The following HYKK variants were observed in gnomAD, a reference collection of about 807,000 sequenced individuals.
HYKK encodes the protein 5-hydroxy-L-lysine kinase.
HYKK carries 19 observed loss-of-function variants against 29.7 expected under a neutral mutation model. The ratio of observed to expected loss-of-function variants is 0.64; its 90% CI spans 0.45 to 0.94. The LOEUF (loss-of-function observed/expected upper bound fraction) is 0.94. Ranked by LOEUF, HYKK falls within the 40% of genes least tolerant of loss-of-function variation. The pLI is 0.00. For missense variants in HYKK, 390 were observed against 443.4 expected, an observed-to-expected ratio of 0.88 and a Z score of 1.08; for synonymous variants, 152 against 158.1, an observed-to-expected ratio of 0.96 and a Z score of 0.29.
intron 4 of HYKK, among the ~76,000 whole-genome samples, chr15:78,531,215 C>T (rs1295984420): frequency 6.6e-6 from 1 of 152,072 alleles, no homozygotes; most frequent in African/African-American, 2.4e-5. Flanking sequence ...TAGTGGCTAC[C>T]ATATTAGACA....
At chr15:78,529,112 G>C (rs1297110981) in intron 4 of HYKK, among the ~76,000 whole-genome samples, 1 of 151,984 alleles carries the variant, frequency 6.6e-6, no homozygotes, top group Non-Finnish European at 1.5e-5. Context: ...CTATGATCTG[G>C]ATGATTGCAG....
intron 1 of HYKK, among the ~76,000 whole-genome samples, chr15:78,510,150 C>G (rs145941164): frequency 7.6e-6 from 1 of 132,194 alleles, no homozygotes; most frequent in Non-Finnish European, 1.6e-5. Context: ...TTTCTTCTTT[C>G]TCTTGCTCTC....
At chr15:78,521,545 G>A (rs1267899004) in intron 3 of HYKK, among the ~76,000 whole-genome samples, 2 of 152,018 alleles carry the variant, frequency 1.3e-5, no homozygotes, top group East Asian at 3.9e-4. Flanking sequence ...TAGGCTAATA[G>A]AGAGTACTGA....
intron 4 of HYKK, among the ~76,000 whole-genome samples, chr15:78,532,335 C>T (rs1331685938): frequency 6.6e-6 from 1 of 152,214 alleles, no homozygotes; most frequent in Non-Finnish European, 1.5e-5. Flanking sequence ...ATTTTCTAAA[C>T]ACTCTCAACT....
chr15:78,512,270 C>CT (rs1354205895), intron 1 of HYKK, among the ~76,000 whole-genome samples: 4 of 152,102 alleles, frequency 2.6e-5, no homozygotes, highest in Admixed American at 2.0e-4. Context: ...TTTAACCAAA[C>CT]TGTTACTATA....
intron 3 of HYKK, among the ~76,000 whole-genome samples, chr15:78,525,138 C>CT (rs202102581): frequency 6.7e-5 from 10 of 148,532 alleles, no homozygotes; most frequent in South Asian, 2.2e-4. Flanking sequence ...TTTAGAGGAA[C>CT]TTTTTTTTTT....
chr15:78,518,166 G>A (rs537650803), intron 3 of HYKK, among the ~76,000 whole-genome samples: 4 of 152,228 alleles, frequency 2.6e-5, no homozygotes, highest in East Asian at 1.9e-4. Flanking sequence ...CAGTGAGCTG[G>A]GGCAAACTGC....
At chr15:78,516,329 AGAG>A (rs1322165625) in intron 3 of HYKK, among the ~76,000 whole-genome samples, 1 of 150,692 alleles carries the variant, frequency 6.6e-6, no homozygotes, top group Non-Finnish European at 1.5e-5. Flanking sequence ...AGGAGGAAGA[AGAG>A]AAGGGTTGGT....
At chr15:78,528,839 A>C in intron 4 of HYKK, 2 of 983,502 alleles carry the variant, frequency 2.0e-6, no homozygotes, top group Non-Finnish European at 2.4e-6. Flanking sequence ...GGGCATTTCT[A>C]TCAAGGCCTA....
chr15:78,527,487 A>G lies in HYKK; in HGVS notation c.585A>G (p.Arg195=), dbSNP rs1345828289. 7 of 1,614,082 alleles carry G rather than the reference A, an allele frequency of 4.3e-6. No individual in the cohort carries two copies. In the South Asian group the frequency reaches 6.6e-5, roughly 15 times the overall value. ...ACCTGTATGCCCTGGGCCAGAATCG[A>G]AACCGAGAGATTGTTGAGCATGTCA... is the stretch of plus-strand genomic sequence containing the variant. The part of the protein sequence containing the change: ...EKYLYALGQN[R]NREIVEHVIH... Residue 195 remains arginine (R), a synonymous_variant, in exon 4 of 5, where the codon CGA becomes CGG. Coordinates refer to ENST00000388988, the MANE Select transcript of HYKK (RefSeq NM_001013619.4).
chr15:78,519,802 T>C (rs889572185), intron 3 of HYKK, among the ~76,000 whole-genome samples: 1 of 152,214 alleles, frequency 6.6e-6, no homozygotes, highest in African/African-American at 2.4e-5. Context: ...GAACTGATTG[T>C]AGTGCTCAAT....
chr15:78,511,907 A>G (rs1425976812), intron 1 of HYKK, among the ~76,000 whole-genome samples: 2 of 152,174 alleles, frequency 1.3e-5, no homozygotes, highest in Non-Finnish European at 2.9e-5. Context: ...CTTCTCAAGA[A>G]TGTCTTCCCT....
chr15:78,524,273 T>C (rs2052226973), intron 3 of HYKK, among the ~76,000 whole-genome samples: 2 of 152,256 alleles, frequency 1.3e-5, no homozygotes, highest in Admixed American at 6.5e-5. Flanking sequence ...TGCACCCACA[T>C]GCTTAACACC....
intron 1 of HYKK, among the ~76,000 whole-genome samples, chr15:78,511,051 C>A (rs911384714): frequency 1.5e-4 from 22 of 150,688 alleles, no homozygotes; most frequent in African/African-American, 5.1e-4. Flanking sequence ...GAGTGTTCTC[C>A]CACCTTGGCT....
In HYKK at chr15:78,513,080, C is replaced by G. The variant is rs1229000794; in HGVS notation, c.-5-4C>G. On this transcript the variant is annotated splice_region_variant and splice_polypyrimidine_tract_variant and intron_variant, in intron 1 of 4. Coordinates refer to ENST00000388988, the MANE Select transcript of HYKK (RefSeq NM_001013619.4). ...TTTCTGTTTGTTGCTTTTTGTTCCC[C>G]TAGACATAATGTCAAGTGGAAACTA... The G allele has an allele frequency of 6.4e-7, 1 of 1,557,482 alleles. No individual in the cohort carries two copies. The highest frequency in any genetic ancestry group is 8.8e-7 in the Non-Finnish European group (1 of 1,132,418).
At chr15:78,532,386 A>G (rs1166102370) in intron 4 of HYKK, among the ~76,000 whole-genome samples, 1 of 152,228 alleles carries the variant, frequency 6.6e-6, no homozygotes, top group East Asian at 1.9e-4. Context: ...TTTGTAGACC[A>G]GCACTGGCCA....
At chr15:78,522,189 A>AT (rs1021149725) in intron 3 of HYKK, among the ~76,000 whole-genome samples, 35 of 152,008 alleles carry the variant, frequency 2.3e-4, no homozygotes, top group African/African-American at 7.5e-4. Context: ...TGAAATGAAG[A>AT]TTTTTTCTCA....
chr15:78,514,908 C>CTCTCTCTCTCTCTATATATATATA (rs766004199), intron 2 of HYKK, 60 bp from the exon 3 acceptor site: 3 of 385,452 alleles, frequency 7.8e-6, no homozygotes, highest in East Asian at 8.0e-5. Flanking sequence ...CTCTCTCTCT[C>CTCTCTCTCTCTCTATATATATATA]TATATATATA....
At chr15:78,516,404 G>GGTACA (rs1480119130) in intron 3 of HYKK, among the ~76,000 whole-genome samples, 6 of 145,760 alleles carry the variant, frequency 4.1e-5, no homozygotes, top group Middle Eastern at 3.6e-3. Context: ...GGAGTGCAGT[G>GGTACA]GTACAGTCAC....
Sources: allele counts gnomAD v4.1 joint callset (sites outside exome capture counted in the v4.1 genomes callset), GRCh38; gene constraint gnomAD v4.1.1; transcripts MANE v1.5; gene names NCBI Gene and HGNC (gene_info 2026-07-23, HGNC 2026-07-21).